Variants in ZCCHC10 observed in about 807,000 individuals in gnomAD.
The protein encoded by ZCCHC10 is zinc finger CCHC domain-containing protein 10.
Under a neutral mutation model 19.5 loss-of-function variants are expected in ZCCHC10, and 16 were observed. That is an observed-to-expected ratio of 0.82 (90% CI 0.56 to 1.25). ZCCHC10 has a LOEUF of 1.25. Ranked by LOEUF, ZCCHC10 falls within the 50% of genes most tolerant of loss-of-function variation. The pLI is 0.00. For synonymous variants in ZCCHC10, 67 were observed against 72.5 expected, an observed-to-expected ratio of 0.92 and a Z score of 0.38; for missense variants, 197 against 201.0, an observed-to-expected ratio of 0.98 and a Z score of 0.12.
At chr5:133,011,882 C>T (rs976308014) in intron 2 of ZCCHC10, among the ~76,000 whole-genome samples, 7 of 151,928 alleles carry the variant, frequency 4.6e-5, no homozygotes, top group African/African-American at 7.2e-5. Context: ...GTAATCCCAG[C>T]GCTCTGGGAG....
At chr5:133,005,853 A>G (rs2126570211) in intron 3 of ZCCHC10, among the ~76,000 whole-genome samples, 1 of 152,236 alleles carries the variant, frequency 6.6e-6, no homozygotes, top group South Asian at 2.1e-4. Flanking sequence ...ATAATCTAGA[A>G]ATTGGTTATC....
At chr5:133,010,810 AGAT>A (rs1273671309) in intron 2 of ZCCHC10, among the ~76,000 whole-genome samples, 1 of 150,328 alleles carries the variant, frequency 6.7e-6, no homozygotes, top group Non-Finnish European at 1.5e-5. Context: ...TTTCTTTTTG[AGAT>A]GGAGTTTTGC....
chr5:133,013,423 A>G (rs867715233), intron 2 of ZCCHC10, among the ~76,000 whole-genome samples: 3 of 152,214 alleles, frequency 2.0e-5, no homozygotes, highest in Admixed American at 6.6e-5. Flanking sequence ...AAATGTTAGC[A>G]AAGATATGTA....
chr5:133,012,667 C>T (rs1020388904), intron 2 of ZCCHC10, among the ~76,000 whole-genome samples: 11 of 152,064 alleles, frequency 7.2e-5, no homozygotes, highest in Admixed American at 7.2e-4. Flanking sequence ...ATAATCCCAG[C>T]ACTTTGGGAG....
chr5:133,012,000 G>C (rs1763570917), intron 2 of ZCCHC10, among the ~76,000 whole-genome samples: 1 of 151,586 alleles, frequency 6.6e-6, no homozygotes, highest in Non-Finnish European at 1.5e-5. Context: ...TCTGAGCATG[G>C]TGGCAGGCAC....
chr5:132,999,756 A>AT (rs915883084), intron 4 of ZCCHC10, among the ~76,000 whole-genome samples: 26 of 151,170 alleles, frequency 1.7e-4, no homozygotes, highest in African/African-American at 2.7e-4. Context: ...TCTTATAGCT[A>AT]TTTTTTTTTG....
Position 133,006,995 on chromosome 5 carries a change from A to G in ZCCHC10, c.108-75T>C. On this transcript the variant is annotated intron_variant, in intron 2 of 4. Transcript: ENST00000509437. Reference sequence around the variant, plus strand: ...TTCACCCTAAAAACTATAAAAAAATATAAAGGATAAAATTATGTTTACTCT... The same window carrying G: ...TTCACCCTAAAAACTATAAAAAAATGTAAAGGATAAAATTATGTTTACTCT... 5.8e-6 allele frequency: 8 copies of G among 1,367,640 alleles called. No homozygotes were observed. In the South Asian group the frequency reaches 1.2e-4, roughly 20 times the overall value. 84.7% of individuals were successfully genotyped at this position (1,367,640 alleles called of 1,614,324 possible).
intron 3 of ZCCHC10, among the ~76,000 whole-genome samples, chr5:133,004,020 T>G (rs1762946488): frequency 1.3e-5 from 2 of 152,124 alleles, no homozygotes; most frequent in Admixed American, 1.3e-4. Flanking sequence ...CGGAAATGCA[T>G]TTCTTAATGA....
chr5:133,018,110 A>G (rs1023895807), intron 2 of ZCCHC10, among the ~76,000 whole-genome samples: 2 of 148,976 alleles, frequency 1.3e-5, no homozygotes, highest in Non-Finnish European at 3.0e-5. Flanking sequence ...GCACCACAGC[A>G]CTCCAGTCTG....
chr5:133,021,382 G>A (rs1764302025), intron 2 of ZCCHC10, among the ~76,000 whole-genome samples: 1 of 152,116 alleles, frequency 6.6e-6, no homozygotes, highest in African/African-American at 2.4e-5. Flanking sequence ...GGACAAATCT[G>A]ACAAAAGATG....
chr5:133,002,085 C>T (rs982205864), intron 3 of ZCCHC10, among the ~76,000 whole-genome samples: 3 of 150,254 alleles, frequency 2.0e-5, no homozygotes, highest in Admixed American at 1.3e-4. Flanking sequence ...CTCAGCCTCC[C>T]GAGTAGCTGG....
At chr5:133,014,270 C>T (rs1490664953) in intron 2 of ZCCHC10, among the ~76,000 whole-genome samples, 1 of 151,718 alleles carries the variant, frequency 6.6e-6, no homozygotes, top group Admixed American at 6.6e-5. Context: ...AGCAATTCTC[C>T]TGCCTCAGCC....
intron 2 of ZCCHC10, among the ~76,000 whole-genome samples, chr5:133,014,343 T>C (rs1402101205): frequency 6.6e-6 from 1 of 152,004 alleles, no homozygotes; most frequent in Non-Finnish European, 1.5e-5. Flanking sequence ...TTTGTATTTT[T>C]AGTAAAGGGG....
chr5:133,001,075 T>C (rs1352047178), intron 3 of ZCCHC10, among the ~76,000 whole-genome samples: 1 of 151,984 alleles, frequency 6.6e-6, no homozygotes, highest in Non-Finnish European at 1.5e-5. Context: ...ACAACATGCA[T>C]ACTAAATCAG....
chr5:133,021,440 T>C (rs1318923528), intron 2 of ZCCHC10, among the ~76,000 whole-genome samples: 2 of 152,190 alleles, frequency 1.3e-5, no homozygotes, highest in Non-Finnish European at 2.9e-5. Flanking sequence ...AAATTAAAGA[T>C]GACCTAAATA....
chr5:133,020,927 C>T (rs1233557347), intron 2 of ZCCHC10, among the ~76,000 whole-genome samples: 5 of 151,096 alleles, frequency 3.3e-5, no homozygotes, highest in Admixed American at 2.7e-4. Flanking sequence ...AGACAAGTCT[C>T]GCTCTGTCGC....
intron 1 of ZCCHC10, among the ~76,000 whole-genome samples, chr5:133,026,291 C>T (rs1445441841): frequency 1.3e-5 from 2 of 152,218 alleles, no homozygotes; most frequent in African/African-American, 4.8e-5. Flanking sequence ...TGTCCCGTGC[C>T]GCAGACTTTA....
chr5:133,025,397 G>A (rs971648330), intron 1 of ZCCHC10, among the ~76,000 whole-genome samples: 10 of 151,232 alleles, frequency 6.6e-5, no homozygotes, highest in Non-Finnish European at 1.5e-4. Flanking sequence ...CCAGCTACTC[G>A]GGAGGCTGAG....
intron 3 of ZCCHC10, among the ~76,000 whole-genome samples, chr5:133,001,934 T>G (rs1014986391): frequency 6.7e-6 from 1 of 149,680 alleles, no homozygotes; most frequent in African/African-American, 2.5e-5. Context: ...AAATTATAAC[T>G]GAATCAAAAT....
Sources: allele counts gnomAD v4.1 joint callset (sites outside exome capture counted in the v4.1 genomes callset), GRCh38; gene constraint gnomAD v4.1.1; transcripts MANE v1.5; gene names NCBI Gene and HGNC (gene_info 2026-07-23, HGNC 2026-07-21).